The following PAQR5 variants were observed in gnomAD, a reference collection of about 807,000 sequenced individuals.
The protein encoded by PAQR5 is progestin and adipoQ receptor family member 5, also known as membrane progestin receptor gamma.
A neutral mutation model predicts 34.5 loss-of-function variants in PAQR5; 20 were observed. The observed-to-expected ratio is 0.58, with a 90% CI of 0.41 to 0.84. The LOEUF (loss-of-function observed/expected upper bound fraction) is 0.84. PAQR5 is among the 40% of genes least tolerant of loss of function. PAQR5 has a pLI of 0.00. For missense variants in PAQR5, 378 were observed against 412.7 expected (o/e 0.92, Z 0.73); for synonymous variants, 131 against 155.6 (o/e 0.84, Z 1.18).
At chr15:69,326,795 T>C (rs2054262966) in intron 1 of PAQR5, among the ~76,000 whole-genome samples, 1 of 150,240 alleles carries the variant, frequency 6.7e-6, no homozygotes, top group Non-Finnish European at 1.5e-5. Context: ...AGAAAAATTG[T>C]GCAGAAGGTA....
intron 1 of PAQR5, among the ~76,000 whole-genome samples, chr15:69,300,994 T>A (rs2053589742): frequency 9.2e-6 from 1 of 108,876 alleles, no homozygotes; most frequent in African/African-American, 3.6e-5. Context: ...TTTCTTTCTT[T>A]CTTTCTTTCT....
In PAQR5 at chr15:69,327,026, GC is replaced by G. The variant is rs202236776; in HGVS notation, c.-276-10313del. 6.1e-3 allele frequency among the ~76,000 whole-genome samples: 922 copies of G among 151,556 alleles called. 19 individuals carry two copies. The highest frequency in any genetic ancestry group is 0.021 in the African/African-American group (876 of 41,282). On this transcript the variant is annotated intron_variant, in intron 1 of 8. Transcript: ENST00000395407. The stretch of plus-strand genomic sequence containing the variant: ...TTTTTAGATGAGGTTTTGCTCTGTT[GC>G]CTGGGCTTGAGTGCAGTGGCAGTAA...
intron 2 of PAQR5, among the ~76,000 whole-genome samples, chr15:69,342,837 C>CT (rs992772858): frequency 2.0e-5 from 3 of 152,226 alleles, no homozygotes; most frequent in African/African-American, 7.2e-5. Flanking sequence ...CTCTCACTCT[C>CT]TGTTCTTCTC....
At position 69,341,708 on chromosome 15, in the gene PAQR5, G is replaced by A. The variant is rs145407473; in HGVS notation, c.-116+4207G>A. 2.9e-3 allele frequency among the ~76,000 whole-genome samples: 448 copies of A among 152,168 alleles called. 2 individuals carry two copies. The highest frequency in any genetic ancestry group is 1.0e-2 in the African/African-American group (415 of 41,524). On this transcript the variant is annotated intron_variant, in intron 2 of 8. Coordinates refer to ENST00000395407, the MANE Select transcript of PAQR5 (RefSeq NM_017705.4). ...ACCTGTAATCCCAGTACTTCGGGAG[G>A]CCAAGGTGGGTGGATCACTTGAGCT...
chr15:69,382,706 GTATGTATGTATA>G (rs1174620945), intron 4 of PAQR5: 1 of 98,752 alleles, frequency 1.0e-5, no homozygotes, highest in African/African-American at 3.9e-5. Context: ...ATATATATAT[GTATGTATGTATA>G]TATGTATGTA....
chr15:69,304,984 A>T (rs1160065274), intron 1 of PAQR5, among the ~76,000 whole-genome samples: 2 of 152,140 alleles, frequency 1.3e-5, no homozygotes, highest in African/African-American at 4.8e-5. Context: ...GACATTATCT[A>T]ATGCATAGTG....
intron 1 of PAQR5, among the ~76,000 whole-genome samples, chr15:69,329,740 C>A (rs537142056): frequency 6.6e-6 from 1 of 152,136 alleles, no homozygotes; most frequent in South Asian, 2.1e-4. Flanking sequence ...CTGCCTTGGC[C>A]TCCCAAGGTG....
chr15:69,399,658 T>G (rs926798999), intron 7 of PAQR5, among the ~76,000 whole-genome samples: 1 of 152,250 alleles, frequency 6.6e-6, no homozygotes, highest in Non-Finnish European at 1.5e-5. Flanking sequence ...TCCTTTCTTC[T>G]TTCCTTTTTC....
intron 3 of PAQR5, among the ~76,000 whole-genome samples, chr15:69,362,031 G>T (rs187118468): frequency 4.4e-4 from 67 of 152,188 alleles, no homozygotes; most frequent in Middle Eastern, 3.4e-3. Flanking sequence ...GGACATTTTG[G>T]TCAGGGTTGG....
At chr15:69,330,547 C>T (rs1478975583) in intron 1 of PAQR5, among the ~76,000 whole-genome samples, 2 of 152,106 alleles carry the variant, frequency 1.3e-5, no homozygotes, top group African/African-American at 4.8e-5. Flanking sequence ...TCAGCAGGCA[C>T]CACCCAGATC....
Position 69,405,953 on chromosome 15 carries a change from G to C in PAQR5, c.*2131G>C, listed in dbSNP as rs908123455. The C allele has an allele frequency of 2.0e-5, 3 of 152,142 alleles. No homozygotes were observed. The highest frequency in any genetic ancestry group is 4.4e-5 in the Non-Finnish European group (3 of 68,032). The allele number at this position is 152,142 out of a possible 1,614,324, so 9.4% of individuals were successfully genotyped here. A position where few individuals can be genotyped will look rare whatever the true frequency, so the allele number is the denominator to read the frequency against. On this transcript the variant is annotated 3_prime_UTR_variant, in exon 9 of 9. Transcript: ENST00000395407. ...CAGTTTGCAGAACACTGATTTGAAA[G>C]CTTCCTATGCAAAATGAGAAGGGGT...
At chr15:69,358,996 A>G (rs1463151139) in intron 2 of PAQR5, among the ~76,000 whole-genome samples, 1 of 152,128 alleles carries the variant, frequency 6.6e-6, no homozygotes, top group East Asian at 1.9e-4. Context: ...TAATTTATAA[A>G]CAACAGAAAT....
At chr15:69,360,582 T>C (rs1010601524) in intron 3 of PAQR5, among the ~76,000 whole-genome samples, 1 of 152,164 alleles carries the variant, frequency 6.6e-6, no homozygotes, top group Non-Finnish European at 1.5e-5. Context: ...GGTTGTTGAA[T>C]GAGCCTTAGC....
chr15:69,309,311 A>G (rs1323777114), intron 1 of PAQR5, among the ~76,000 whole-genome samples: 1 of 152,200 alleles, frequency 6.6e-6, no homozygotes, highest in Admixed American at 6.5e-5. Context: ...CCCATGGAAG[A>G]GTGCTCCAGG....
At chr15:69,388,563 C>T (rs911444375) in intron 5 of PAQR5, among the ~76,000 whole-genome samples, 3 of 152,246 alleles carry the variant, frequency 2.0e-5, no homozygotes, top group African/African-American at 4.8e-5. Context: ...GAATGCATCC[C>T]AGTCCAGCAG....
At chr15:69,399,939 C>T (rs768025115) in intron 7 of PAQR5, 35 bp from the exon 8 acceptor site, 2 of 1,600,092 alleles carry the variant, frequency 1.2e-6, no homozygotes, top group Non-Finnish European at 1.7e-6. Flanking sequence ...CAGGCCTGTC[C>T]TCTCAAGACC....
At chr15:69,358,650 G>C (rs74984260) in intron 2 of PAQR5, among the ~76,000 whole-genome samples, 1 of 4,194 alleles carries the variant, frequency 2.4e-4, no homozygotes. Context: ...TTTTTTTTTT[G>C]AGACAGATTC....
rs553805196 is a variant in PAQR5, at chr15:69,358,213, C to T, written c.-115-1753C>T. Among the ~76,000 whole-genome samples the T allele has an allele frequency of 1.4e-3, 213 of 152,266 alleles. 1 individual carries two copies. Among genetic ancestry groups the T allele is most frequent in the Non-Finnish European group, 2.6e-3 (174 of 68,020 alleles). On this transcript the variant is annotated intron_variant, in intron 2 of 8. Coordinates refer to ENST00000395407, the MANE Select transcript of PAQR5 (RefSeq NM_017705.4). Reference sequence around the variant, plus strand: ...GTTTCTTGGACCTGTTGCAAGGGCTCTGGGTCTCTGTGGTGCACATTACTC... The same window carrying T: ...GTTTCTTGGACCTGTTGCAAGGGCTTTGGGTCTCTGTGGTGCACATTACTC...
chr15:69,398,790 G>A (rs1220881089), intron 7 of PAQR5, among the ~76,000 whole-genome samples: 1 of 152,226 alleles, frequency 6.6e-6, no homozygotes, highest in African/African-American at 2.4e-5. Context: ...CAAGTCCTGT[G>A]TTGTGACAAG....
Sources: allele counts gnomAD v4.1 joint callset (sites outside exome capture counted in the v4.1 genomes callset), GRCh38; gene constraint gnomAD v4.1.1; transcripts MANE v1.5; gene names NCBI Gene and HGNC (gene_info 2026-07-23, HGNC 2026-07-21).